RSPRY1: variants seen among roughly 807,000 people sequenced by gnomAD.
RSPRY1 encodes ring finger and SPRY domain containing 1.
RSPRY1 carries 23 observed loss-of-function variants against 73.1 expected under a neutral mutation model. That is an observed-to-expected ratio of 0.31 (90% CI 0.23 to 0.45). The LOEUF is 0.45. Among genes scored for constraint, RSPRY1 ranks in the 20% least tolerant of loss-of-function variants. The probability of loss-of-function intolerance (pLI) is 1.00; values close to 1 mark genes in which losing one functional copy is unlikely to be tolerated. For missense variants in RSPRY1, 448 were observed against 698.7 expected (o/e 0.64, Z 4.05); for synonymous variants, 226 against 251.4 (o/e 0.90, Z 0.95).
At chr16:57,201,177 T>C (rs1425187422) in intron 1 of RSPRY1, among the ~76,000 whole-genome samples, 26 of 142,330 alleles carry the variant, frequency 1.8e-4, no homozygotes, top group African/African-American at 6.3e-4. Flanking sequence ...GGCTGCCAGG[T>C]GGAGGGGCTC....
At chr16:57,231,414 A>C in intron 13 of RSPRY1, 95 bp downstream of exon 13, 4 of 1,287,190 alleles carry the variant, frequency 3.1e-6, no homozygotes, top group Non-Finnish European at 4.2e-6. Context: ...ATAACAAATA[A>C]ATTTTGAAAA....
At chr16:57,201,281 C>T (rs1170168931) in intron 1 of RSPRY1, among the ~76,000 whole-genome samples, 48 of 150,642 alleles carry the variant, frequency 3.2e-4, no homozygotes, top group African/African-American at 1.1e-3. Context: ...ACTTCTCAGA[C>T]GGGGCGGTTG....
rs1333379682 is a variant in RSPRY1 at position 57,221,425 on chromosome 16, C to T, written c.1161+10C>T. ...CAAATTCCTCAATCATGTGAGTACC[C>T]TAGAGAACTGTGAAAATGGGAGCAG... On this transcript the variant is annotated intron_variant, in intron 10 of 14. Coordinates refer to ENST00000394420, the MANE Select transcript of RSPRY1 (RefSeq NM_133368.3). 1 of 1,599,892 alleles carries T rather than the reference C, an allele frequency of 6.3e-7. No individual in the cohort carries two copies. Among genetic ancestry groups the T allele is most frequent in the Non-Finnish European group, 8.5e-7 (1 of 1,174,164 alleles).
intron 4 of RSPRY1, among the ~76,000 whole-genome samples, chr16:57,210,345 G>A (rs1348905946): frequency 6.6e-6 from 1 of 152,154 alleles, no homozygotes; most frequent in Admixed American, 6.5e-5. Context: ...TTCTCAAAGT[G>A]TTGGGATTAT....
chr16:57,190,484 C>G (rs1402927495), intron 1 of RSPRY1, among the ~76,000 whole-genome samples: 1 of 152,166 alleles, frequency 6.6e-6, no homozygotes, highest in South Asian at 2.1e-4. Context: ...ACAGTGGAAC[C>G]AGCAATCTAT....
intron 1 of RSPRY1, among the ~76,000 whole-genome samples, chr16:57,201,874 A>C (rs1282936167): frequency 6.6e-6 from 1 of 152,222 alleles, no homozygotes; most frequent in African/African-American, 2.4e-5. Flanking sequence ...CAGGAGAATC[A>C]GGCAGGGAGT....
Position 57,213,929 on chromosome 16 carries a change from T to C in RSPRY1, c.685T>C (p.Tyr229His), listed in dbSNP as rs1451692325. 6.2e-7 allele frequency: 1 copy of C among 1,608,086 alleles called. No individual in the cohort carries two copies. Among genetic ancestry groups the C allele is most frequent in the Non-Finnish European group, 8.5e-7 (1 of 1,174,410 alleles). Residue 229 changes from tyrosine to histidine, a missense_variant, in exon 6 of 15, where the codon TAC (tyrosine) becomes CAC (histidine). Transcript: ENST00000394420. The stretch of plus-strand genomic sequence containing the variant: ...TTTACTTAGCCCAGGAATACTGGAA[T>C]ACTTGCTACAGTGTCTGGTAAGTGA... Reference protein sequence around the residue: ...IGLLSPGILEYLLQCLKLQSH... With the variant: ...IGLLSPGILEHLLQCLKLQSH...
chr16:57,236,825 C>T (rs527293964), intron 14 of RSPRY1, among the ~76,000 whole-genome samples: 4 of 152,184 alleles, frequency 2.6e-5, no homozygotes, highest in East Asian at 3.9e-4. Flanking sequence ...GACCTAGCAA[C>T]GCAACTGGCA....
intron 13 of RSPRY1, among the ~76,000 whole-genome samples, 196 bp from the exon 14 acceptor site, chr16:57,234,928 G>T (rs568649817): frequency 3.5e-4 from 53 of 152,286 alleles, no homozygotes; most frequent in Non-Finnish European, 7.4e-4. Flanking sequence ...AAATGGGAAT[G>T]GTTATACCTC....
intron 4 of RSPRY1, 62 bp from the exon 5 acceptor site, chr16:57,212,910 G>A (rs2074871354): frequency 1.3e-6 from 2 of 1,522,670 alleles, no homozygotes; most frequent in South Asian, 1.3e-5. Flanking sequence ...AAAAAAAAAT[G>A]AGCCTGGGAA....
At chr16:57,214,734 A>C (rs1009256382) in intron 6 of RSPRY1, among the ~76,000 whole-genome samples, 1 of 152,250 alleles carries the variant, frequency 6.6e-6, no homozygotes, top group Non-Finnish European at 1.5e-5. Flanking sequence ...GTACTTCATC[A>C]AGACTAAATG....
At chr16:57,229,197 G>GCAAGGGGGA (rs2075167914) in intron 11 of RSPRY1, among the ~76,000 whole-genome samples, 1 of 152,210 alleles carries the variant, frequency 6.6e-6, no homozygotes, top group Admixed American at 6.5e-5. Context: ...AGCTTTTGCT[G>GCAAGGGGGA]TATATTGCCA....
chr16:57,198,520 A>G (rs1297236978), intron 1 of RSPRY1, among the ~76,000 whole-genome samples: 1 of 152,128 alleles, frequency 6.6e-6, no homozygotes. Context: ...CCTCACAGGC[A>G]CCCCCAAGAT....
intron 1 of RSPRY1, among the ~76,000 whole-genome samples, chr16:57,188,652 G>T (rs1438453956): frequency 1.3e-5 from 2 of 152,074 alleles, no homozygotes; most frequent in African/African-American, 2.4e-5. Context: ...GAGTAGCTGG[G>T]ATTACAGGCA....
chr16:57,232,535 A>G (rs1480196007), intron 13 of RSPRY1, among the ~76,000 whole-genome samples: 2 of 152,128 alleles, frequency 1.3e-5, no homozygotes, highest in African/African-American at 2.4e-5. Context: ...CTTATCTATC[A>G]TACCCCGTTC....
chr16:57,200,607 G>A (rs1299513317), intron 1 of RSPRY1, among the ~76,000 whole-genome samples: 2 of 138,816 alleles, frequency 1.4e-5, no homozygotes, highest in African/African-American at 2.7e-5. Flanking sequence ...CAGTAGGGGC[G>A]GCCGGGCAGA....
chr16:57,212,550 A>T (rs75631671), intron 4 of RSPRY1, among the ~76,000 whole-genome samples: 6,966 of 152,184 alleles, frequency 0.046, 343 homozygotes, highest in East Asian at 0.22. Context: ...CCCATCAATG[A>T]TATCATTAGG....
chr16:57,195,953 T>A (rs552816470), intron 1 of RSPRY1, among the ~76,000 whole-genome samples: 3 of 137,184 alleles, frequency 2.2e-5, no homozygotes, highest in Non-Finnish European at 4.7e-5. Flanking sequence ...ACCCAGGAGA[T>A]AGAGGTTGCA....
At position 57,216,968 on chromosome 16, in the gene RSPRY1, G is replaced by T; in HGVS notation, c.834G>T (p.Trp278Cys). The change falls in exon 8 of 15, where the codon TGG becomes TGT. Residue 278 changes from tryptophan (W) to cysteine (C), a missense_variant. By Grantham distance (215) the Trp-to-Cys change is radical. Coordinates refer to ENST00000394420, the MANE Select transcript of RSPRY1 (RefSeq NM_133368.3). ...ISDRLVTLESWANDPDYLKRQ... is the reference protein window; with the variant it reads ...ISDRLVTLESCANDPDYLKRQ... ...ACCGGCTTGTCACATTGGAGTCCTG[G>T]GCTAATGATCCTGATTATCTGAAAC... is the stretch of plus-strand genomic sequence containing the variant. 6.2e-7 allele frequency: 1 copy of T among 1,613,872 alleles called. No individual in the cohort carries two copies. Among genetic ancestry groups the T allele is most frequent in the Non-Finnish European group, 8.5e-7 (1 of 1,179,804 alleles).
Sources: gnomAD v4.1 joint callset for allele counts (sites outside exome capture counted in the v4.1 genomes callset) on GRCh38, gnomAD v4.1.1 for gene constraint, MANE v1.5 for transcripts, NCBI Gene and HGNC (gene_info 2026-07-23, HGNC 2026-07-21) for gene names.